Variants in TENM2 observed in about 807,000 individuals in gnomAD.
The protein encoded by TENM2 is teneurin-2.
TENM2 carries 52 observed loss-of-function variants against 245.2 expected under a neutral mutation model. The ratio of observed to expected loss-of-function variants is 0.21; its 90% CI spans 0.17 to 0.27. The LOEUF (loss-of-function observed/expected upper bound fraction) is 0.27. TENM2 is among the 10% of genes least tolerant of loss of function. The pLI is 1.00. For missense variants in TENM2, 3,046 were observed against 3,666.8 expected, an observed-to-expected ratio of 0.83 and a Z score of 4.37; for synonymous variants, 1,363 against 1,438.9, an observed-to-expected ratio of 0.95 and a Z score of 1.19.
At chr5:167,091,528 G>A in the TENM2 span, among the ~76,000 whole-genome samples, 10 of 152,112 alleles carry the variant, frequency 6.6e-5, no homozygotes, top group African/African-American at 2.2e-4. Context: ...AGGCATTGCT[G>A]GTAAAGAGTT....
At chr5:167,957,786 G>C (rs150854886) in intron 4 of TENM2, among the ~76,000 whole-genome samples, 5,817 of 152,228 alleles carry the variant, frequency 0.038, 353 homozygotes, top group African/African-American at 0.13. Context: ...GTGCAGATTT[G>C]AGTGAGTTTC....
At chr5:167,945,107 G>A (rs1346277916) in intron 3 of TENM2, among the ~76,000 whole-genome samples, 1 of 152,126 alleles carries the variant, frequency 6.6e-6, no homozygotes, top group East Asian at 1.9e-4. Context: ...ATAACTCCCA[G>A]GGACATGATT....
At chr5:167,981,088 A>G (rs1003217780) in intron 4 of TENM2, among the ~76,000 whole-genome samples, 2 of 152,188 alleles carry the variant, frequency 1.3e-5, no homozygotes, top group Admixed American at 6.5e-5. Flanking sequence ...CCGAGTAAGG[A>G]TATGAAGGCC....
intron 2 of TENM2, among the ~76,000 whole-genome samples, chr5:167,548,998 A>G (rs1772754022): frequency 6.6e-6 from 1 of 152,214 alleles, no homozygotes; most frequent in Non-Finnish European, 1.5e-5. Context: ...CTTAGTATCA[A>G]TAGCAGAATT....
rs371070650 is a variant in TENM2, at chr5:168,218,444, C to T, written c.4553C>T (p.Ser1518Leu). 3.9e-5 allele frequency: 63 copies of T among 1,614,032 alleles called. 2 individuals carry two copies. The highest frequency in any genetic ancestry group is 3.7e-4 in the South Asian group (34 of 91,074). ...ATCTGCCTTTTAGCTGGGGCAGCCTCGGACTGCGACTGCAAAAACGATGTC... is the reference window on the plus strand; with the variant it reads ...ATCTGCCTTTTAGCTGGGGCAGCCTTGGACTGCGACTGCAAAAACGATGTC... The change falls in exon 23 of 29, where the codon TCG becomes TTG. Residue 1518 changes from serine (S) to leucine (L), a missense_variant. By Grantham distance (145) the Ser-to-Leu change is moderately radical. This residue lies in a region of TENM2 where 2,704 missense variants were observed against 3,331.9 expected (regional missense o/e 0.81). Coordinates refer to ENST00000518659, the Ensembl canonical transcript of TENM2. The surrounding 1 kb of genome is among the most constrained non-coding windows in gnomAD (Gnocchi z 5.2).
chr5:167,690,923 ATGTGTGTGTGTG>A (rs375456466), intron 2 of TENM2, among the ~76,000 whole-genome samples: 2,002 of 78,762 alleles, frequency 0.025, 56 homozygotes, highest in African/African-American at 0.094. Flanking sequence ...ATATGCGAGT[ATGTGTGTGTGTG>A]TGTGTGTGTG....
chr5:168,018,708 T>G (rs1305508387), intron 5 of TENM2, among the ~76,000 whole-genome samples: 1 of 152,174 alleles, frequency 6.6e-6, no homozygotes, highest in African/African-American at 2.4e-5. Context: ...ATATTTTAAT[T>G]TTAAGACACA....
the TENM2 span, among the ~76,000 whole-genome samples, chr5:167,063,789 A>G: frequency 6.6e-6 from 1 of 152,266 alleles, no homozygotes; most frequent in Non-Finnish European, 1.5e-5. Context: ...TCCCATCCTG[A>G]TAATGAAATC....
chr5:167,238,806 T>C, the TENM2 span, among the ~76,000 whole-genome samples: 6 of 152,062 alleles, frequency 3.9e-5, no homozygotes, highest in African/African-American at 1.2e-4. Context: ...ATTTGTATGA[T>C]CTTTCTTCAC....
At position 167,954,395 on chromosome 5, in the gene TENM2, G is replaced by A. The variant is rs143466431; in HGVS notation, c.947+1573G>A. ...TATAATTTTATTAGGTGCAGTTTTG[G>A]CATGCATGTTTGGTTCAAACATTAA... On this transcript the variant is annotated intron_variant, in intron 4 of 28. Transcript: ENST00000518659. 4.3e-3 allele frequency among the ~76,000 whole-genome samples: 657 copies of A among 152,256 alleles called. 2 individuals carry two copies. Among genetic ancestry groups the A allele is most frequent in the Middle Eastern group, 0.024 (7 of 294 alleles).
Position 167,838,040 on chromosome 5 carries a change from A to G in TENM2, c.503-37946A>G, listed in dbSNP as rs572140687. Among the ~76,000 whole-genome samples the G allele has an allele frequency of 2.6e-5, 4 of 152,348 alleles. No homozygotes were observed. The South Asian group carries it at 8.3e-4, about 32-fold the overall frequency. ...ATTGAGGCAAATGGGAAATGCCCAG[A>G]AGAAATACCGACTTGAACCACTAGT... On this transcript the variant is annotated intron_variant, in intron 2 of 28. Coordinates refer to ENST00000518659, the Ensembl canonical transcript of TENM2.
At chr5:167,720,513 A>G (rs1385913964) in intron 2 of TENM2, among the ~76,000 whole-genome samples, 2 of 152,314 alleles carry the variant, frequency 1.3e-5, no homozygotes, top group Non-Finnish European at 2.9e-5. Context: ...TAGGCACTCT[A>G]TATTTGAATT....
chr5:167,923,141 T>C (rs1777497149), intron 3 of TENM2, among the ~76,000 whole-genome samples: 1 of 152,118 alleles, frequency 6.6e-6, no homozygotes, highest in Admixed American at 6.5e-5. Context: ...CTGGCCAACA[T>C]GGCAAAACCC....
chr5:167,031,687 C>T, the TENM2 span, among the ~76,000 whole-genome samples: 11 of 152,124 alleles, frequency 7.2e-5, no homozygotes, highest in African/African-American at 2.7e-4. Context: ...GCCTCAGCCT[C>T]CCGAGTAGCT....
rs750015451 is a variant in TENM2 at position 168,262,560 on chromosome 5, A to G, written c.8075A>G (p.Lys2692Arg). ...ACCCCCGACACCCTGGACGAAGAGA[A>G]GGCCCGCGTCCTGGACCAGGCGAGA... The change falls in exon 29 of 29, where the codon AAG becomes AGG. Residue 2692 changes from lysine to arginine, a missense_variant. By Grantham distance (26) the Lys-to-Arg change is conservative (BLOSUM62 2). This residue lies in a region of TENM2 where 2,704 missense variants were observed against 3,331.9 expected (regional missense o/e 0.81). Transcript: ENST00000518659. 8 of 1,560,862 alleles carry G rather than the reference A, an allele frequency of 5.1e-6. No homozygotes were observed. In the Admixed American group the frequency reaches 1.4e-4, roughly 26 times the overall value.
chr5:167,745,776 C>T (rs1761515083), intron 2 of TENM2, among the ~76,000 whole-genome samples: 1 of 152,142 alleles, frequency 6.6e-6, no homozygotes, highest in Admixed American at 6.6e-5. Flanking sequence ...TAATGTATTA[C>T]ATGATGGTTT....
Position 167,350,846 on chromosome 5 carries a change from GAT to G in TENM2, c.227-24343_227-24342del, listed in dbSNP as rs372945513. Among the ~76,000 whole-genome samples the G allele has an allele frequency of 5.8e-4, 56 of 95,846 alleles. 3 individuals are homozygous for G. Among genetic ancestry groups the G allele is most frequent in the Non-Finnish European group, 9.5e-4 (46 of 48,500 alleles). The allele number at this position is 95,846 out of a possible 152,430, so 62.9% of individuals were successfully genotyped here. On this transcript the variant is annotated intron_variant, in intron 1 of 28. Transcript: ENST00000518659. ...TATATATATGGGATATATACATATG[GAT>G]ATATATATGGGATGTATACATATGG...
At position 167,520,340 on chromosome 5, in the gene TENM2, C is replaced by G. The variant is rs1326141812; in HGVS notation, c.502+144867C>G. 7.2e-5 allele frequency among the ~76,000 whole-genome samples: 11 copies of G among 152,204 alleles called. 1 individual carries two copies. The South Asian group carries it at 2.3e-3, about 32-fold the overall frequency. ...ATCTCGGCAGGAAGTAAAGAGATAT[C>G]TCAAAGAGTACCTAATCAAACCTGA... On this transcript the variant is annotated intron_variant, in intron 2 of 28. Coordinates refer to ENST00000518659, the Ensembl canonical transcript of TENM2.
At chr5:168,136,718 C>T (rs1285539685) in intron 12 of TENM2, among the ~76,000 whole-genome samples, 2 of 152,190 alleles carry the variant, frequency 1.3e-5, no homozygotes, top group Non-Finnish European at 2.9e-5. Flanking sequence ...CTCTCCTCAC[C>T]CTTAGACAGG....
Sources: gnomAD v4.1 joint callset for allele counts (sites outside exome capture counted in the v4.1 genomes callset) on GRCh38, gnomAD v4.1.1 for gene constraint, gnomAD v4.1.1 regional missense constraint, Gnocchi (gnomAD v3.1) non-coding constraint, MANE v1.5 for transcripts, NCBI Gene and HGNC (gene_info 2026-07-23, HGNC 2026-07-21) for gene names.